AGBL1: variants seen among roughly 807,000 people sequenced by gnomAD.
AGBL1 encodes AGBL carboxypeptidase 1.
AGBL1 carries 130 observed loss-of-function variants against 118.9 expected under a neutral mutation model. The ratio of observed to expected loss-of-function variants is 1.09; its 90% CI spans 0.95 to 1.26. The LOEUF (loss-of-function observed/expected upper bound fraction) is 1.26. Among genes scored for constraint, AGBL1 ranks in the 50% most tolerant of loss-of-function variants. The pLI is 0.00. For missense variants in AGBL1, 1,584 were observed against 1,298.1 expected (o/e 1.22, Z -3.38); for synonymous variants, 555 against 478.9 (o/e 1.16, Z -2.08).
chr15:86,334,443 A>G (rs1322994749), intron 17 of AGBL1, among the ~76,000 whole-genome samples: 1 of 152,200 alleles, frequency 6.6e-6, no homozygotes, highest in Non-Finnish European at 1.5e-5. Flanking sequence ...CTACCTAGGA[A>G]TACGTCTAAC....
chr15:86,999,370 C>A (rs190871293), intron 24 of AGBL1, among the ~76,000 whole-genome samples: 4,704 of 146,788 alleles, frequency 0.032, 145 homozygotes, highest in Middle Eastern at 0.039. Flanking sequence ...ATCCCTCCCC[C>A]CTGCCACCAC....
At chr15:86,369,983 A>C (rs1370782279) in intron 17 of AGBL1, among the ~76,000 whole-genome samples, 1 of 152,224 alleles carries the variant, frequency 6.6e-6, no homozygotes, top group Non-Finnish European at 1.5e-5. Flanking sequence ...CGGGTCACAG[A>C]AGAAAAATTA....
intron 18 of AGBL1, among the ~76,000 whole-genome samples, chr15:86,399,316 A>G (rs549204911): frequency 3.9e-4 from 59 of 152,308 alleles, no homozygotes; most frequent in Admixed American, 6.5e-4. Flanking sequence ...AGATTTTACT[A>G]GCAAACTTTC....
At chr15:86,100,267 T>C (rs1896633100) in intron 1 of AGBL1, among the ~76,000 whole-genome samples, 1 of 152,220 alleles carries the variant, frequency 6.6e-6, no homozygotes, top group Admixed American at 6.5e-5. Flanking sequence ...TCTGTTCTTC[T>C]GGAATGTTGG....
intron 17 of AGBL1, among the ~76,000 whole-genome samples, chr15:86,327,640 A>G (rs551657037): frequency 1.3e-5 from 2 of 152,228 alleles, no homozygotes; most frequent in Non-Finnish European, 2.9e-5. Flanking sequence ...TGCTTTTTCT[A>G]TACACGAACC....
chr15:86,343,188 A>T (rs553449340), intron 17 of AGBL1, among the ~76,000 whole-genome samples: 18 of 152,284 alleles, frequency 1.2e-4, no homozygotes, highest in African/African-American at 4.3e-4. Context: ...AATCTTTATG[A>T]CCTGCATCTT....
chr15:86,633,398 A>T (rs1162196498), intron 21 of AGBL1, among the ~76,000 whole-genome samples: 2 of 152,174 alleles, frequency 1.3e-5, no homozygotes, highest in Admixed American at 6.6e-5. Context: ...CTCTATCAAC[A>T]GGACCTGTTT....
chr15:86,721,743 A>G (rs2086725418), intron 22 of AGBL1, among the ~76,000 whole-genome samples: 3 of 152,222 alleles, frequency 2.0e-5, no homozygotes, highest in South Asian at 4.1e-4. Context: ...ACATGATTGT[A>G]TATCTAGAAA....
chr15:86,956,355 A>G (rs1465232069), intron 23 of AGBL1, among the ~76,000 whole-genome samples: 4 of 152,056 alleles, frequency 2.6e-5, no homozygotes, highest in Non-Finnish European at 5.9e-5. Context: ...ATAGATGAAA[A>G]GAGAGTGAGA....
intron 22 of AGBL1, among the ~76,000 whole-genome samples, chr15:86,832,168 G>A (rs563565563): frequency 6.6e-6 from 1 of 152,262 alleles, no homozygotes; most frequent in South Asian, 2.1e-4. Flanking sequence ...TTTCCTCCTA[G>A]GCCCCCAGGT....
chr15:86,675,843 C>T (rs1203970478), intron 22 of AGBL1, among the ~76,000 whole-genome samples: 3 of 152,110 alleles, frequency 2.0e-5, no homozygotes, highest in East Asian at 3.9e-4. Flanking sequence ...GCATTGCTTG[C>T]TTTCGTCAAA....
intron 21 of AGBL1, among the ~76,000 whole-genome samples, chr15:86,605,489 CA>C (rs1331741549): frequency 6.6e-6 from 1 of 152,134 alleles, no homozygotes; most frequent in East Asian, 1.9e-4. Flanking sequence ...TTAACTTCTA[CA>C]TTGAGGGAAA....
intron 22 of AGBL1, among the ~76,000 whole-genome samples, chr15:86,825,470 T>G (rs2078995477): frequency 1.1e-5 from 1 of 94,836 alleles, no homozygotes; most frequent in Non-Finnish European, 2.1e-5. Context: ...AATAATATAC[T>G]AAATAAAAAC....
At chr15:86,996,065 T>C (rs1275384332) in intron 24 of AGBL1, among the ~76,000 whole-genome samples, 8 of 152,170 alleles carry the variant, frequency 5.3e-5, no homozygotes, top group Non-Finnish European at 1.2e-4. Context: ...TTGCATTTTT[T>C]ACAAACCCCA....
chr15:86,746,746 T>C (rs887652466), intron 22 of AGBL1, among the ~76,000 whole-genome samples: 1 of 152,006 alleles, frequency 6.6e-6, no homozygotes, highest in Non-Finnish European at 1.5e-5. Flanking sequence ...GGTCATTAAA[T>C]GGAGAGGAAA....
At chr15:86,762,719 A>G (rs956761679) in intron 22 of AGBL1, among the ~76,000 whole-genome samples, 1 of 152,006 alleles carries the variant, frequency 6.6e-6, no homozygotes, top group Non-Finnish European at 1.5e-5. Flanking sequence ...GAGAAGTTAC[A>G]TTTGGTTTCT....
intron 22 of AGBL1, among the ~76,000 whole-genome samples, chr15:86,798,222 C>G (rs1384927867): frequency 2.0e-5 from 3 of 152,134 alleles, no homozygotes; most frequent in African/African-American, 7.2e-5. Flanking sequence ...CCTTCAAAAT[C>G]TCGAGTGACA....
At chr15:86,337,673 A>G (rs1380114030) in intron 17 of AGBL1, among the ~76,000 whole-genome samples, 1 of 152,138 alleles carries the variant, frequency 6.6e-6, no homozygotes, top group African/African-American at 2.4e-5. Flanking sequence ...ACATGGACAC[A>G]GGGAGGGGAA....
chr15:86,838,355 A>C (rs1266809598), intron 22 of AGBL1, among the ~76,000 whole-genome samples: 2 of 152,140 alleles, frequency 1.3e-5, no homozygotes, highest in Non-Finnish European at 2.9e-5. Context: ...ATATACCCTT[A>C]TTCTTTTTCA....
Sources: gnomAD v4.1 joint callset for allele counts (sites outside exome capture counted in the v4.1 genomes callset) on GRCh38, gnomAD v4.1.1 for gene constraint, MANE v1.5 for transcripts, NCBI Gene and HGNC (gene_info 2026-07-23, HGNC 2026-07-21) for gene names.